RTF2: variants seen among roughly 807,000 people sequenced by gnomAD.
RTF2 encodes UPF0549 protein C20orf43.
Under a neutral mutation model 38.0 loss-of-function variants are expected in RTF2, and 18 were observed. The observed-to-expected ratio is 0.47, with a 90% CI of 0.33 to 0.70. The LOEUF is 0.70. Among genes scored for constraint, RTF2 ranks in the 30% least tolerant of loss-of-function variants. The pLI, the probability that RTF2 is intolerant of heterozygous loss-of-function variation, is 0.02. For synonymous variants in RTF2, 126 were observed against 137.1 expected, an observed-to-expected ratio of 0.92 and a Z score of 0.57; for missense variants, 311 against 379.6, an observed-to-expected ratio of 0.82 and a Z score of 1.50.
In RTF2 at chr20:56,496,215, A is replaced by G. The variant is rs1230461383; in HGVS notation, c.477+12026A>G. On this transcript the variant is annotated intron_variant, in intron 5 of 8. Coordinates refer to ENST00000357348, the MANE Select transcript of RTF2 (RefSeq NM_016407.5). ...AAAATGTAGAACATTTACAAGGCCA[A>G]AGAAACATAGCTGAATTGAAAAAAT... Among the ~76,000 whole-genome samples the G allele has an allele frequency of 3.3e-5, 5 of 152,206 alleles. No homozygotes were observed. The East Asian group carries it at 9.6e-4, about 29-fold the overall frequency.
intron 5 of RTF2, among the ~76,000 whole-genome samples, chr20:56,492,107 C>T (rs866785828): frequency 2.0e-5 from 3 of 152,036 alleles, no homozygotes; most frequent in Admixed American, 6.5e-5. Context: ...ATCTCAGTTC[C>T]GATAGATTCT....
intron 5 of RTF2, among the ~76,000 whole-genome samples, chr20:56,506,014 C>T (rs1003494408): frequency 7.9e-5 from 12 of 152,116 alleles, no homozygotes; most frequent in African/African-American, 2.9e-4. Flanking sequence ...TCAAAACATA[C>T]GACGTGATGG....
At chr20:56,484,744 C>T (rs1600802761) in intron 5 of RTF2, among the ~76,000 whole-genome samples, 1 of 152,352 alleles carries the variant, frequency 6.6e-6, no homozygotes, top group East Asian at 1.9e-4. Flanking sequence ...CTAGCCTCAG[C>T]TCACGTGGAG....
At position 56,518,132 on chromosome 20, in the gene RTF2, G is replaced by T; in HGVS notation, c.788G>T (p.Gly263Val). 6.2e-7 allele frequency: 1 copy of T among 1,614,056 alleles called. No homozygotes were observed. Residue 263 changes from glycine (G) to valine (V), a missense_variant, in exon 9 of 9, where the codon GGA becomes GTA. Gly to Val is a moderately radical substitution (Grantham distance 109). Coordinates refer to ENST00000357348, the MANE Select transcript of RTF2 (RefSeq NM_016407.5). ...SSGKAGKPPC[G>V]ATKRSIADSE... ...GGAAAAGCTGGGAAGCCTCCGTGTG[G>T]AGCCACAAAGAGGTCCATCGCTGAC...
At chr20:56,491,749 T>C (rs1446023335) in intron 5 of RTF2, 1 of 1,551,962 alleles carries the variant, frequency 6.4e-7, no homozygotes, top group African/African-American at 1.4e-5. Flanking sequence ...GCAGGTCTCC[T>C]GGTCCGTATA....
intron 5 of RTF2, among the ~76,000 whole-genome samples, chr20:56,503,498 C>A (rs1199492447): frequency 6.6e-6 from 1 of 152,148 alleles, no homozygotes; most frequent in African/African-American, 2.4e-5. Context: ...ATTTAAAAAT[C>A]TAGTTGATGC....
At chr20:56,483,002 G>C (rs1230848637) in intron 4 of RTF2, among the ~76,000 whole-genome samples, 3 of 151,988 alleles carry the variant, frequency 2.0e-5, no homozygotes, top group African/African-American at 7.3e-5. Flanking sequence ...TTTTCTTTCT[G>C]TTCTGTCCAC....
At chr20:56,484,733 G>C (rs1038175996) in intron 5 of RTF2, among the ~76,000 whole-genome samples, 1 of 152,242 alleles carries the variant, frequency 6.6e-6, no homozygotes, top group African/African-American at 2.4e-5. Context: ...AGACATGAGA[G>C]CTAGCCTCAG....
At chr20:56,493,460 C>G (rs1291719838) in intron 5 of RTF2, among the ~76,000 whole-genome samples, 1 of 151,882 alleles carries the variant, frequency 6.6e-6, no homozygotes, top group African/African-American at 2.4e-5. Flanking sequence ...GAGTTGAGGG[C>G]CAGCCTGGGC....
intron 5 of RTF2, chr20:56,491,875 G>A (rs750301641): frequency 1.1e-6 from 1 of 877,222 alleles, no homozygotes; most frequent in Middle Eastern, 3.4e-4. Flanking sequence ...TCCGGTGTCA[G>A]TGGTGAGCCT....
chr20:56,480,417 A>G (rs1246762680), intron 4 of RTF2, among the ~76,000 whole-genome samples: 3 of 152,214 alleles, frequency 2.0e-5, no homozygotes, highest in Non-Finnish European at 4.4e-5. Context: ...CACTGTGGCT[A>G]GTTTGATCTT....
intron 4 of RTF2, among the ~76,000 whole-genome samples, chr20:56,480,568 T>C (rs140288230): frequency 2.3e-3 from 347 of 152,368 alleles, no homozygotes; most frequent in Non-Finnish European, 3.1e-3. Flanking sequence ...AGTGTTTGAT[T>C]TGAGAGGCTG....
intron 6 of RTF2, 74 bp from the exon 7 acceptor site, chr20:56,516,861 C>A: frequency 7.1e-7 from 1 of 1,403,750 alleles, no homozygotes; most frequent in Non-Finnish European, 1.0e-6. Context: ...GCACCCGGGA[C>A]AATGGGCAGC....
intron 5 of RTF2, among the ~76,000 whole-genome samples, chr20:56,503,039 T>C (rs1355627776): frequency 1.3e-5 from 2 of 152,064 alleles, no homozygotes. Context: ...CCCTAGGAGG[T>C]GCCCTGTGCT....
At chr20:56,504,483 A>G (rs1258844237) in intron 5 of RTF2, among the ~76,000 whole-genome samples, 1 of 152,210 alleles carries the variant, frequency 6.6e-6, no homozygotes, top group Admixed American at 6.5e-5. Context: ...AAAGTCACTT[A>G]AAAATCCTGT....
intron 5 of RTF2, among the ~76,000 whole-genome samples, chr20:56,492,162 C>T (rs1254642309): frequency 6.6e-6 from 1 of 151,972 alleles, no homozygotes; most frequent in Non-Finnish European, 1.5e-5. Flanking sequence ...GTAAGTAGTT[C>T]ATAAGAATGG....
chr20:56,513,225 C>A, intron 5 of RTF2, 90 bp from the exon 6 acceptor site: 1 of 1,495,046 alleles, frequency 6.7e-7, no homozygotes, highest in Non-Finnish European at 9.0e-7. Context: ...AGCCTGGGGG[C>A]CACTGCTTGG....
intron 5 of RTF2, chr20:56,497,652 T>G (rs1300317240): frequency 1.6e-6 from 2 of 1,219,892 alleles, no homozygotes; most frequent in East Asian, 1.1e-4. Flanking sequence ...ATTTAAGTAT[T>G]TTTTCCTTTA....
intron 4 of RTF2, among the ~76,000 whole-genome samples, chr20:56,479,984 G>A (rs924797909): frequency 4.6e-5 from 7 of 152,062 alleles, no homozygotes; most frequent in Admixed American, 4.6e-4. Context: ...GTTTCCAAAC[G>A]GTAAATGAAC....
Sources: allele counts gnomAD v4.1 joint callset (sites outside exome capture counted in the v4.1 genomes callset), GRCh38; gene constraint gnomAD v4.1.1; transcripts MANE v1.5; gene names NCBI Gene and HGNC (gene_info 2026-07-23, HGNC 2026-07-21).